CERS6: variants seen among roughly 807,000 people sequenced by gnomAD.
CERS6 encodes ceramide synthase 6, also known as LAG1 homolog, ceramide synthase 6.
CERS6 carries 26 observed loss-of-function variants against 56.8 expected under a neutral mutation model. The ratio of observed to expected loss-of-function variants is 0.46; its 90% confidence interval spans 0.34 to 0.63. The LOEUF is 0.63. CERS6 is among the 30% of genes least tolerant of loss of function. The pLI, the probability that CERS6 is intolerant of heterozygous loss-of-function variation, is 0.01. For missense variants in CERS6, 415 were observed against 467.5 expected (o/e 0.89, Z 1.04); for synonymous variants, 164 against 173.3 (o/e 0.95, Z 0.42).
rs115291942 is a variant in CERS6, at chr2:168,721,787, T to G, written c.845+3809T>G. 7.4e-3 allele frequency among the ~76,000 whole-genome samples: 1,123 copies of G among 151,816 alleles called. 11 individuals are homozygous for G. Among genetic ancestry groups the G allele is most frequent in the African/African-American group, 0.025 (1,053 of 41,408 alleles). On this transcript the variant is annotated intron_variant, in intron 8 of 9. Transcript: ENST00000305747. ...GTATGTGCCACAATACCCAGCTGATTTATTTATTTATTTGTAGAGACGGGG... is the reference window on the plus strand; with the variant it reads ...GTATGTGCCACAATACCCAGCTGATGTATTTATTTATTTGTAGAGACGGGG...
intron 8 of CERS6, among the ~76,000 whole-genome samples, chr2:168,720,276 G>C (rs756613208): frequency 1.3e-4 from 20 of 152,012 alleles, no homozygotes; most frequent in Non-Finnish European, 2.2e-4. Flanking sequence ...AAAATGTTTT[G>C]AGTATTTACA....
chr2:168,696,284 C>T (rs1180549630), intron 6 of CERS6, among the ~76,000 whole-genome samples: 1 of 152,140 alleles, frequency 6.6e-6, no homozygotes, highest in African/African-American at 2.4e-5. Context: ...ACCCTTAGAA[C>T]CAAAAGTCAT....
At position 168,583,589 on chromosome 2, in the gene CERS6, T is replaced by C. The variant is rs111496507; in HGVS notation, c.407+22267T>C. ...TAGACCAAACCAGTCATTAGGCTTTTAGAGAATAATTTTAAAATGCCATCC... is the reference window on the plus strand; with the variant it reads ...TAGACCAAACCAGTCATTAGGCTTTCAGAGAATAATTTTAAAATGCCATCC... On this transcript the variant is annotated intron_variant, in intron 3 of 9. Coordinates refer to ENST00000305747, the MANE Select transcript of CERS6 (RefSeq NM_203463.3). Among the ~76,000 whole-genome samples, 167 of 152,348 alleles carry C rather than the reference T, an allele frequency of 1.1e-3. 2 individuals carry two copies. The highest frequency in any genetic ancestry group is 3.9e-3 in the African/African-American group (163 of 41,584).
intron 6 of CERS6, among the ~76,000 whole-genome samples, chr2:168,712,776 A>T (rs1200113175): frequency 1.3e-5 from 2 of 152,144 alleles, no homozygotes; most frequent in African/African-American, 4.8e-5. Flanking sequence ...GGATAGAAAG[A>T]GTGTGACGGG....
At chr2:168,477,211 GA>G (rs1300293526) in intron 1 of CERS6, among the ~76,000 whole-genome samples, 1 of 146,204 alleles carries the variant, frequency 6.8e-6, no homozygotes, top group Non-Finnish European at 1.5e-5. Context: ...GAGAGAGAGA[GA>G]GAGAGAGTCT....
chr2:168,595,126 A>C (rs532342641), intron 3 of CERS6, among the ~76,000 whole-genome samples: 33 of 152,326 alleles, frequency 2.2e-4, no homozygotes, highest in African/African-American at 7.5e-4. Context: ...TTGAAGAGAC[A>C]GAAGCACCCT....
chr2:168,733,358 A>T (rs1683608159), intron 8 of CERS6, among the ~76,000 whole-genome samples: 2 of 152,210 alleles, frequency 1.3e-5, no homozygotes, highest in Admixed American at 1.3e-4. Flanking sequence ...GAGAACCTTG[A>T]AAAACAGCTA....
intron 8 of CERS6, among the ~76,000 whole-genome samples, chr2:168,758,122 G>A (rs560216327): frequency 5.3e-5 from 8 of 152,278 alleles, no homozygotes; most frequent in Non-Finnish European, 8.8e-5. Context: ...TGGACAAAAC[G>A]TGCTAGCAGA....
chr2:168,571,272 T>C (rs1695981055), intron 3 of CERS6, among the ~76,000 whole-genome samples: 1 of 151,962 alleles, frequency 6.6e-6, no homozygotes, highest in Admixed American at 6.6e-5. Context: ...AGTGTTTGAT[T>C]TCCTCCTGGC....
At chr2:168,563,281 G>A (rs1695825230) in intron 3 of CERS6, among the ~76,000 whole-genome samples, 1 of 152,086 alleles carries the variant, frequency 6.6e-6, no homozygotes, top group South Asian at 2.1e-4. Context: ...GAATTCAGCA[G>A]GTCATTATGT....
rs193061334 is a variant in CERS6 at position 168,525,646 on chromosome 2, C to T, written c.171-21950C>T. On this transcript the variant is annotated intron_variant, in intron 1 of 9. Transcript: ENST00000305747. ...GTATTCAAAGTCCTATACAACGGCC[C>T]GAGCCCCTGTGAAATGATTTTATTT... Among the ~76,000 whole-genome samples the T allele has an allele frequency of 1.6e-4, 24 of 152,262 alleles. No homozygotes were observed. In the East Asian group the frequency reaches 3.1e-3, roughly 20 times the overall value.
intron 3 of CERS6, among the ~76,000 whole-genome samples, chr2:168,617,638 T>A (rs566645910): frequency 2.4e-4 from 36 of 152,180 alleles, no homozygotes; most frequent in Non-Finnish European, 4.6e-4. Context: ...CTAGAGGAGA[T>A]AGATAAATTC....
At chr2:168,595,790 T>C (rs1329179349) in intron 3 of CERS6, among the ~76,000 whole-genome samples, 1 of 152,244 alleles carries the variant, frequency 6.6e-6, no homozygotes, top group Non-Finnish European at 1.5e-5. Context: ...AAAAAAGTTA[T>C]GTTGCTGTTT....
intron 3 of CERS6, among the ~76,000 whole-genome samples, chr2:168,600,324 C>T (rs190398961): frequency 1.1e-4 from 16 of 152,118 alleles, no homozygotes; most frequent in Admixed American, 3.3e-4. Flanking sequence ...CCAGCCACAG[C>T]CTCCTGAGTA....
intron 5 of CERS6, among the ~76,000 whole-genome samples, chr2:168,692,631 A>C (rs1686534725): frequency 6.6e-6 from 1 of 152,162 alleles, no homozygotes; most frequent in African/African-American, 2.4e-5. Context: ...ACTCAGATCA[A>C]GATTGTCTTC....
chr2:168,521,893 A>G (rs898777501), intron 1 of CERS6, among the ~76,000 whole-genome samples: 12 of 152,232 alleles, frequency 7.9e-5, no homozygotes, highest in African/African-American at 2.9e-4. Context: ...GAATGGAAAT[A>G]TAAGTTTATA....
chr2:168,612,292 A>G (rs1168876008), intron 3 of CERS6, among the ~76,000 whole-genome samples: 1 of 152,240 alleles, frequency 6.6e-6, no homozygotes, highest in Non-Finnish European at 1.5e-5. Context: ...TTTAAGACAC[A>G]GATCTTTCAC....
chr2:168,496,998 T>G (rs1384342035), intron 1 of CERS6, among the ~76,000 whole-genome samples: 3 of 152,186 alleles, frequency 2.0e-5, no homozygotes, highest in Admixed American at 6.5e-5. Flanking sequence ...AAGTCTTCTA[T>G]CCATTCTGCC....
At chr2:168,750,898 A>G (rs1266199093) in intron 8 of CERS6, among the ~76,000 whole-genome samples, 1 of 152,234 alleles carries the variant, frequency 6.6e-6, no homozygotes, top group Non-Finnish European at 1.5e-5. Context: ...GAGGTTCACT[A>G]TTATGTATCC....
Sources: allele counts gnomAD v4.1 joint callset (sites outside exome capture counted in the v4.1 genomes callset), GRCh38; gene constraint gnomAD v4.1.1; transcripts MANE v1.5; gene names NCBI Gene and HGNC (gene_info 2026-07-23, HGNC 2026-07-21).